The following MSI1 variants were observed in gnomAD, a reference collection of about 807,000 sequenced individuals.
MSI1 encodes musashi RNA binding protein 1.
Under a neutral mutation model 54.4 loss-of-function variants are expected in MSI1, and 15 were observed. That is an observed-to-expected ratio of 0.28 (90% confidence interval 0.18 to 0.42). The LOEUF (loss-of-function observed/expected upper bound fraction) is 0.42, where lower values mean the gene tolerates loss of function less well. Ranked by LOEUF, MSI1 falls within the 20% of genes least tolerant of loss-of-function variation. The pLI is 1.00. For synonymous variants in MSI1, 200 were observed against 196.5 expected, an observed-to-expected ratio of 1.02 and a Z score of -0.15; for missense variants, 304 against 506.0, an observed-to-expected ratio of 0.60 and a Z score of 3.83.
chr12:120,365,475 A>G (rs953636442), intron 4 of MSI1, among the ~76,000 whole-genome samples: 1 of 152,244 alleles, frequency 6.6e-6, no homozygotes, highest in African/African-American at 2.4e-5. Flanking sequence ...TCCTTCAAGT[A>G]TCAGGTAAAT....
chr12:120,358,993 G>T lies in MSI1; in HGVS notation c.451+12C>A, dbSNP rs1298973869. 55 of 1,566,976 alleles carry T rather than the reference G, an allele frequency of 3.5e-5. No individual in the cohort carries two copies. The highest frequency in any genetic ancestry group is 4.8e-5 in the Non-Finnish European group (55 of 1,155,998). On this transcript the variant is annotated intron_variant, in intron 7 of 14. Coordinates refer to ENST00000257552, the MANE Select transcript of MSI1 (RefSeq NM_002442.4). ...GGGCCCAGCCTGGGAAGGGGGAGGGGGCCACACTCACCTCGGTGCCGGTTG... is the reference window on the plus strand; with the variant it reads ...GGGCCCAGCCTGGGAAGGGGGAGGGTGCCACACTCACCTCGGTGCCGGTTG...
chr12:120,340,807 C>CTCTGCCTTCATT (rs1250751936), downstream of MSI1, among the ~76,000 whole-genome samples: 1 of 152,052 alleles, frequency 6.6e-6, no homozygotes, highest in Non-Finnish European at 1.5e-5. Context: ...AGCAACCACA[C>CTCTGCCTTCATT]TCTGCCTTCA....
At chr12:120,359,170 C>A in intron 6 of MSI1, 117 bp from the exon 7 acceptor site, 1 of 1,224,040 alleles carries the variant, frequency 8.2e-7, no homozygotes, top group Non-Finnish European at 1.2e-6. Context: ...TGACCTTCAA[C>A]CTGCTCCCTG....
intron 11 of MSI1, 44 bp downstream of exon 11, chr12:120,351,300 C>A: frequency 1.9e-6 from 3 of 1,570,054 alleles, no homozygotes; most frequent in Non-Finnish European, 2.6e-6. Flanking sequence ...CCTTCTGTTT[C>A]TCCCCATGTG....
rs1873755923 is a variant in MSI1, at chr12:120,342,573, G to A, written c.*554C>T. The A allele has an allele frequency of 6.6e-6, 1 of 152,070 alleles. No homozygotes were observed. The allele number at this position is 152,070 out of a possible 1,614,324, so 9.4% of individuals were successfully genotyped here. On this transcript the variant is annotated 3_prime_UTR_variant, in exon 15 of 15. Coordinates refer to ENST00000257552, the MANE Select transcript of MSI1 (RefSeq NM_002442.4). ...AGACACTTTGTTCTCAGCTGGTGGGGGGCACCTGGCCCCTTGCCCCCTGCG... is the reference window on the plus strand; with the variant it reads ...AGACACTTTGTTCTCAGCTGGTGGGAGGCACCTGGCCCCTTGCCCCCTGCG...
intron 6 of MSI1, among the ~76,000 whole-genome samples, chr12:120,360,736 G>A (rs2136969230): frequency 6.6e-6 from 1 of 152,294 alleles, no homozygotes; most frequent in Admixed American, 6.5e-5. Context: ...TTGGGCAGGT[G>A]ACTTGATGTT....
At chr12:120,362,113 C>T (rs1054313476) in intron 6 of MSI1, among the ~76,000 whole-genome samples, 7 of 151,974 alleles carry the variant, frequency 4.6e-5, no homozygotes, top group African/African-American at 1.7e-4. Context: ...AAAGCCGAGG[C>T]CTCTGGTCCC....
chr12:120,356,244 C>T (rs373061979), intron 9 of MSI1, among the ~76,000 whole-genome samples: 1 of 152,220 alleles, frequency 6.6e-6, no homozygotes, highest in African/African-American at 2.4e-5. Context: ...ATAAATATTA[C>T]CTGAATGAAT....
chr12:120,369,023 CG>C lies in MSI1; in HGVS notation c.59+9del. 1 of 1,052,060 alleles carries C rather than the reference CG, an allele frequency of 9.5e-7. No homozygotes were observed. The highest frequency in any genetic ancestry group is 8.1e-5 in the East Asian group (1 of 12,272). 65.2% of individuals were successfully genotyped at this position (1,052,060 alleles called of 1,614,324 possible). A position where few individuals can be genotyped will look rare whatever the true frequency, so the allele number is the denominator to read the frequency against. ...CGGGCGCGGGCCAAGCAGGCCGGGC[CG>C]GGCCGTACCAGGGGTCGTGCGGCGA... On this transcript the variant is annotated intron_variant, in intron 1 of 14. Coordinates refer to ENST00000257552, the MANE Select transcript of MSI1 (RefSeq NM_002442.4).
chr12:120,346,202 G>A lies in MSI1; in HGVS notation c.980C>T (p.Ser327Leu). The stretch of plus-strand genomic sequence containing the variant: ...GGCGCTGATGTAACTGCTGACCCCC[G>A]AGTCCTGGTTGGCCGCCCCGTAGAG... ...AELYGAANQDSGVSSYISAAS... is the reference protein window; with the variant it reads ...AELYGAANQDLGVSSYISAAS... The change falls in exon 13 of 15, where the codon TCG becomes TTG. Residue 327 changes from serine (S) to leucine (L), a missense_variant. By Grantham distance (145) the Ser-to-Leu change is moderately radical. Coordinates refer to ENST00000257552, the MANE Select transcript of MSI1 (RefSeq NM_002442.4). 12 of 1,600,140 alleles carry A rather than the reference G, an allele frequency of 7.5e-6. No individual in the cohort carries two copies. Among genetic ancestry groups the A allele is most frequent in the Non-Finnish European group, 1.0e-5 (12 of 1,174,106 alleles).
chr12:120,346,270 T>G lies in MSI1; in HGVS notation c.912A>C (p.Thr304=), dbSNP rs139108383. ...GGCTGGTGGTCCCCAGGAAGCCCCC[T>G]GTGCGGCTGGGAGTCGAACCTGGAG... ...APPPGSTPSR[T]GGFLGTTSPG... is the part of the protein sequence containing the mutation. Residue 304 remains threonine, a synonymous_variant, in exon 13 of 15, where the codon ACA becomes ACC. Coordinates refer to ENST00000257552, the MANE Select transcript of MSI1 (RefSeq NM_002442.4). 141 of 1,590,450 alleles carry G rather than the reference T, an allele frequency of 8.9e-5. No homozygotes were observed. Among genetic ancestry groups the G allele is most frequent in the Non-Finnish European group, 7.6e-5 (89 of 1,169,442 alleles).
chr12:120,366,348 T>TG (rs1454971337), intron 4 of MSI1, among the ~76,000 whole-genome samples: 1 of 152,082 alleles, frequency 6.6e-6, no homozygotes, highest in African/African-American at 2.4e-5. Context: ...AAATCCACAC[T>TG]GGGGCAATGC....
chr12:120,353,556 C>T (rs1196559504), intron 9 of MSI1, among the ~76,000 whole-genome samples, 177 bp from the exon 10 acceptor site: 2 of 152,214 alleles, frequency 1.3e-5, no homozygotes, highest in African/African-American at 2.4e-5. Context: ...ACTATTATCC[C>T]GTTAAACTCG....
In MSI1 at chr12:120,345,635, G is replaced by A. The variant is rs371108902; in HGVS notation, c.1048-3C>T. The A allele has an allele frequency of 1.9e-5, 30 of 1,613,924 alleles. No individual in the cohort carries two copies. The African/African-American group carries it at 2.8e-4, about 15-fold the overall frequency. The stretch of plus-strand genomic sequence containing the variant: ...AAGGCTGTGGCAATCAAAGGGCCCT[G>A]AAAAGGAAAGAATTTGACTCCTAGA... On this transcript the variant is annotated splice_region_variant and splice_polypyrimidine_tract_variant and intron_variant, in intron 13 of 14. Transcript: ENST00000257552.
At chr12:120,343,968 T>TC (rs1266116268) in intron 14 of MSI1, among the ~76,000 whole-genome samples, 3 of 152,144 alleles carry the variant, frequency 2.0e-5, no homozygotes, top group Non-Finnish European at 2.9e-5. Flanking sequence ...GCGATTCTTG[T>TC]CCCTCAGCCT....
rs541511187 is a variant in MSI1, at chr12:120,348,431, C to T, written c.791-917G>A. ...AGTGGGCTCCTTCTCACTCAGATGC[C>T]ACCTCCTCTAAGAAGCTTTCCCTGA... On this transcript the variant is annotated intron_variant, in intron 11 of 14. Transcript: ENST00000257552. Among the ~76,000 whole-genome samples the T allele has an allele frequency of 2.1e-3, 315 of 152,300 alleles. 2 individuals are homozygous for T. The highest frequency in any genetic ancestry group is 3.3e-3 in the Non-Finnish European group (223 of 68,020).
intron 11 of MSI1, 120 bp from the exon 12 acceptor site, chr12:120,347,634 GC>G (rs1463754329): frequency 8.1e-7 from 1 of 1,229,334 alleles, no homozygotes; most frequent in Non-Finnish European, 1.2e-6. Context: ...GTTCCATGTA[GC>G]CCCAGGGTCA....
chr12:120,349,815 A>G (rs776864147), intron 11 of MSI1, among the ~76,000 whole-genome samples: 42 of 152,244 alleles, frequency 2.8e-4, no homozygotes, highest in Admixed American at 2.3e-3. Flanking sequence ...CTTTAAGGCC[A>G]GGGACTGGGC....
intron 6 of MSI1, among the ~76,000 whole-genome samples, chr12:120,362,157 C>T (rs1875711358): frequency 6.6e-6 from 1 of 151,778 alleles, no homozygotes; most frequent in Non-Finnish European, 1.5e-5. Flanking sequence ...CAGGGGACAC[C>T]TCCCCCCCCC....
Sources: allele counts gnomAD v4.1 joint callset (sites outside exome capture counted in the v4.1 genomes callset), GRCh38; gene constraint gnomAD v4.1.1; transcripts MANE v1.5; gene names NCBI Gene and HGNC (gene_info 2026-07-23, HGNC 2026-07-21).